The following CADPS variants were observed in gnomAD, a reference collection of about 807,000 sequenced individuals.
The protein encoded by CADPS is calcium-dependent secretion activator 1.
CADPS carries 57 observed loss-of-function variants against 167.3 expected under a neutral mutation model. That is an observed-to-expected ratio of 0.34 (90% CI 0.28 to 0.42). The LOEUF (loss-of-function observed/expected upper bound fraction) is 0.42. Ranked by LOEUF, CADPS falls within the 20% of genes least tolerant of loss-of-function variation. The pLI is 1.00. For synonymous variants in CADPS, 676 were observed against 635.3 expected (o/e 1.06, Z -0.96); for missense variants, 1,414 against 1,738.1 (o/e 0.81, Z 3.32).
Position 62,549,937 on chromosome 3 carries a change from A to G in CADPS, c.1932T>C (p.Asn644=), listed in dbSNP as rs768880412. The stretch of plus-strand genomic sequence containing the variant: ...AGATAGGGGCATCCAGCTGAGGTAC[A>G]TTTCCTCCCTTGGCGTTGAGTTTCT... ...QVQKLNAKGG[N]VPQLDAPISQ... Residue 644 remains asparagine, a synonymous_variant, in exon 11 of 30, where the codon AAT becomes AAC. Transcript: ENST00000383710. 7 of 1,614,036 alleles carry G rather than the reference A, an allele frequency of 4.3e-6. No individual in the cohort carries two copies. In the East Asian group the frequency reaches 8.9e-5, roughly 21 times the overall value.
intron 16 of CADPS, 127 bp from the exon 17 acceptor site, chr3:62,512,895 G>A: frequency 1.4e-6 from 1 of 712,608 alleles, no homozygotes; most frequent in Non-Finnish European, 2.2e-6. Context: ...GAAAGAAAAG[G>A]TTGCCCTTGG....
chr3:62,636,031 T>C (rs569809777), intron 6 of CADPS, among the ~76,000 whole-genome samples: 1 of 152,216 alleles, frequency 6.6e-6, no homozygotes. Flanking sequence ...TCACACCAAC[T>C]GACTTTGATG....
intron 7 of CADPS, among the ~76,000 whole-genome samples, chr3:62,592,369 T>G (rs2086246117): frequency 6.6e-6 from 1 of 152,160 alleles, no homozygotes. Flanking sequence ...TAAAGGATGT[T>G]TGGGTCTGAT....
chr3:62,669,067 T>A (rs2075036988), intron 3 of CADPS, among the ~76,000 whole-genome samples: 2 of 152,224 alleles, frequency 1.3e-5, no homozygotes. Flanking sequence ...GCGTTCCTTA[T>A]TCTGGGAATT....
intron 2 of CADPS, among the ~76,000 whole-genome samples, chr3:62,764,145 C>G (rs1180939969): frequency 1.3e-5 from 2 of 152,138 alleles, no homozygotes; most frequent in African/African-American, 4.8e-5. Flanking sequence ...GGATAGGGGT[C>G]TGCTTGGCCT....
intron 5 of CADPS, among the ~76,000 whole-genome samples, chr3:62,646,625 T>C (rs1324722000): frequency 6.6e-6 from 1 of 152,218 alleles, no homozygotes; most frequent in East Asian, 1.9e-4. Context: ...GATTCAGAGA[T>C]GCAACAGGGA....
At chr3:62,758,479 A>G (rs860592) in intron 2 of CADPS, among the ~76,000 whole-genome samples, 1 of 152,186 alleles carries the variant, frequency 6.6e-6, no homozygotes, top group African/African-American at 2.4e-5. Flanking sequence ...TCTCAGTCTG[A>G]CAAAGAGGAA....
At position 62,825,798 on chromosome 3, in the gene CADPS, T is replaced by C. The variant is rs1291507442; in HGVS notation, c.441+48791A>G. Among the ~76,000 whole-genome samples, 8 of 152,316 alleles carry C rather than the reference T, an allele frequency of 5.3e-5. No homozygotes were observed. In the East Asian group the frequency reaches 1.5e-3, roughly 29 times the overall value. On this transcript the variant is annotated intron_variant, in intron 1 of 29. Coordinates refer to ENST00000383710, the MANE Select transcript of CADPS (RefSeq NM_003716.4). ...CGAAAGCAAAGCAGCTTCCTATGCA[T>C]GGAGGTACAATAGTCCTTCCTCTGA...
chr3:62,849,086 T>C (rs2078042318), intron 1 of CADPS, among the ~76,000 whole-genome samples: 1 of 151,332 alleles, frequency 6.6e-6, no homozygotes, highest in Non-Finnish European at 1.5e-5. Flanking sequence ...TTGTCTGTTG[T>C]TGGTGTATAA....
At chr3:62,556,747 T>C (rs1437314819) in intron 10 of CADPS, among the ~76,000 whole-genome samples, 2 of 151,974 alleles carry the variant, frequency 1.3e-5, no homozygotes, top group East Asian at 1.9e-4. Context: ...GTAGAACTTA[T>C]GCGGTGTAGA....
At chr3:62,619,640 G>A (rs967652799) in intron 6 of CADPS, among the ~76,000 whole-genome samples, 2 of 152,102 alleles carry the variant, frequency 1.3e-5, no homozygotes, top group Admixed American at 6.6e-5. Flanking sequence ...TCCCATTAGA[G>A]AGACAATAGC....
chr3:62,468,834 A>G (rs1417031625), intron 24 of CADPS, among the ~76,000 whole-genome samples: 2 of 152,212 alleles, frequency 1.3e-5, no homozygotes, highest in South Asian at 2.1e-4. Context: ...CATCCAGGGG[A>G]AACTTTATCA....
chr3:62,427,484 G>T (rs1447121167), intron 28 of CADPS, among the ~76,000 whole-genome samples: 1 of 152,078 alleles, frequency 6.6e-6, no homozygotes, highest in Admixed American at 6.6e-5. Flanking sequence ...TTGCTATTTT[G>T]AGCTGGATCA....
intron 1 of CADPS, among the ~76,000 whole-genome samples, chr3:62,854,701 A>G (rs1559943872): frequency 6.6e-6 from 1 of 152,180 alleles, no homozygotes; most frequent in Non-Finnish European, 1.5e-5. Flanking sequence ...TATTTTTCTG[A>G]TCTTCTTCCC....
At chr3:62,547,759 T>C (rs927102275) in intron 11 of CADPS, among the ~76,000 whole-genome samples, 2 of 151,434 alleles carry the variant, frequency 1.3e-5, no homozygotes, top group Non-Finnish European at 1.5e-5. Context: ...AAATGAATCC[T>C]ATCCACAGAC....
At chr3:62,739,155 A>G (rs537681363) in intron 3 of CADPS, among the ~76,000 whole-genome samples, 1 of 152,340 alleles carries the variant, frequency 6.6e-6, no homozygotes, top group East Asian at 1.9e-4. Context: ...GTTCTGAACT[A>G]AGACTTCCAG....
intron 15 of CADPS, 120 bp from the exon 16 acceptor site, chr3:62,516,302 C>A: frequency 7.6e-7 from 1 of 1,311,474 alleles, no homozygotes; most frequent in Non-Finnish European, 1.1e-6. Flanking sequence ...GATTGAGAGC[C>A]ATGCTTAAAG....
At chr3:62,547,302 A>G (rs1388153587) in intron 11 of CADPS, among the ~76,000 whole-genome samples, 1 of 152,120 alleles carries the variant, frequency 6.6e-6, no homozygotes, top group African/African-American at 2.4e-5. Context: ...GCACTGCAGA[A>G]CTCAATGGGT....
chr3:62,492,592 T>C (rs1266646632), intron 19 of CADPS, 146 bp from the exon 20 acceptor site: 4 of 803,056 alleles, frequency 5.0e-6, no homozygotes, highest in South Asian at 3.4e-5. Flanking sequence ...AACAGAATTT[T>C]TGATACAATT....
Sources: allele counts gnomAD v4.1 joint callset (sites outside exome capture counted in the v4.1 genomes callset), GRCh38; gene constraint gnomAD v4.1.1; transcripts MANE v1.5; gene names NCBI Gene and HGNC (gene_info 2026-07-23, HGNC 2026-07-21).